Variants in DSE observed in about 807,000 individuals in gnomAD.
DSE encodes dermatan-sulfate epimerase.
In DSE, 36 loss-of-function variants were observed where a neutral mutation model predicts 84.4. The ratio of observed to expected loss-of-function variants is 0.43; its 90% CI spans 0.33 to 0.56. The LOEUF (loss-of-function observed/expected upper bound fraction) is 0.56, where lower values mean the gene tolerates loss of function less well. Ranked by LOEUF, DSE falls within the 20% of genes least tolerant of loss-of-function variation. DSE has a pLI of 0.06. For missense variants in DSE, 862 were observed against 1,169.6 expected, an observed-to-expected ratio of 0.74 and a Z score of 3.84; for synonymous variants, 410 against 430.1, an observed-to-expected ratio of 0.95 and a Z score of 0.58.
At position 116,256,910 on chromosome 6, in the gene DSE, C is replaced by T. The variant is rs549852997; in HGVS notation, c.-575-1536C>T. Among the ~76,000 whole-genome samples, 8 of 152,206 alleles carry T rather than the reference C, an allele frequency of 5.3e-5. No homozygotes were observed. In the East Asian group the frequency reaches 1.5e-3, roughly 29 times the overall value. On this transcript the variant is annotated intron_variant, in intron 1 of 3. Coordinates refer to the DSE transcript ENST00000430252. ...AAACCTTACTAAGCAGAAAAAACTA[C>T]ATCAGTGACTTATGATTCTATGGGA...
rs1784266146 is a variant in DSE, at chr6:116,437,589, G to A, written c.*244G>A. On this transcript the variant is annotated 3_prime_UTR_variant, in exon 6 of 6. Transcript: ENST00000644252. ...TTGGAAGTATTTGGCATTGCTAATT[G>A]AGCAGTCCATATAGTACTACTTTTA... 4.6e-6 allele frequency: 2 copies of A among 437,404 alleles called. No individual in the cohort carries two copies. The highest frequency in any genetic ancestry group is 3.6e-5 in the South Asian group (1 of 27,856). 27.1% of individuals were successfully genotyped at this position (437,404 alleles called of 1,614,324 possible).
At chr6:116,258,590 C>A in exon 2 of DSE, 1 of 1,609,668 alleles carries the variant, frequency 6.2e-7, no homozygotes, top group Non-Finnish European at 8.5e-7. Context: ...TTGATGAGCT[C>A]CTCTGCCAGG....
At chr6:116,334,083 G>A (rs1008627731) in intron 2 of DSE, among the ~76,000 whole-genome samples, 7 of 152,004 alleles carry the variant, frequency 4.6e-5, no homozygotes, top group East Asian at 1.9e-4. Context: ...GAACATTGTC[G>A]TACTAATCTA....
At chr6:116,362,101 A>G (rs1292024069) in intron 2 of DSE, among the ~76,000 whole-genome samples, 1 of 152,238 alleles carries the variant, frequency 6.6e-6, no homozygotes, top group East Asian at 1.9e-4. Context: ...ACTTGTTTAG[A>G]CTATGCATCC....
chr6:116,362,322 C>G (rs1165334663), intron 2 of DSE, among the ~76,000 whole-genome samples: 1 of 152,130 alleles, frequency 6.6e-6, no homozygotes, highest in Non-Finnish European at 1.5e-5. Flanking sequence ...TTAAGTAGAT[C>G]TGGGATTGGT....
chr6:116,397,962 A>G (rs1461633265), intron 1 of DSE, among the ~76,000 whole-genome samples: 3 of 152,210 alleles, frequency 2.0e-5, no homozygotes, highest in East Asian at 1.9e-4. Context: ...TTGATCTGCC[A>G]TATCTGTTAA....
intron 2 of DSE, among the ~76,000 whole-genome samples, chr6:116,265,192 G>C (rs1562190441): frequency 6.6e-6 from 1 of 152,124 alleles, no homozygotes; most frequent in Non-Finnish European, 1.5e-5. Context: ...AGTGGCCCCA[G>C]ATGGTGACTG....
In DSE at chr6:116,279,987, G is replaced by C. The variant is rs1773417437; in HGVS notation, c.-54+21020G>C. 7 of 1,076,668 alleles carry C rather than the reference G, an allele frequency of 6.5e-6. No individual in the cohort carries two copies. The South Asian group carries it at 9.4e-5, about 14-fold the overall frequency. 66.7% of individuals were successfully genotyped at this position (1,076,668 alleles called of 1,614,324 possible). A position where few individuals can be genotyped will look rare whatever the true frequency, so the allele number is the denominator to read the frequency against. ...AGATCTCACGGTATCGCGAGAACTT[G>C]CTGAGCCCGGGATTGGTTCCGCCGC... On this transcript the variant is annotated intron_variant, in intron 2 of 3. Transcript: ENST00000430252.
exon 2 of DSE, chr6:116,258,676 A>G (rs1438221382): frequency 6.2e-7 from 1 of 1,610,268 alleles, no homozygotes; most frequent in African/African-American, 1.3e-5. Context: ...GGCCTGATTC[A>G]CACGGCGAAG....
intron 2 of DSE, among the ~76,000 whole-genome samples, chr6:116,418,233 A>C (rs1369912655): frequency 6.6e-6 from 1 of 152,102 alleles, no homozygotes; most frequent in Non-Finnish European, 1.5e-5. Context: ...CAACAGGGAG[A>C]GGGTCATCTC....
chr6:116,404,082 C>T (rs996734240), intron 2 of DSE, among the ~76,000 whole-genome samples: 2 of 152,180 alleles, frequency 1.3e-5, no homozygotes, highest in Admixed American at 1.3e-4. Context: ...AATGAAATGA[C>T]TGCCTGTCCA....
chr6:116,405,599 G>A (rs1188124005), intron 2 of DSE, among the ~76,000 whole-genome samples: 1 of 152,130 alleles, frequency 6.6e-6, no homozygotes, highest in Non-Finnish European at 1.5e-5. Context: ...CTGCTGCAGA[G>A]ACTTAAAAAT....
chr6:116,320,612 C>T (rs1776246372), intron 2 of DSE, among the ~76,000 whole-genome samples: 2 of 152,046 alleles, frequency 1.3e-5, no homozygotes, highest in South Asian at 4.2e-4. Context: ...TTTATTTTCT[C>T]ACATCTGGAG....
chr6:116,440,871 A>AC lies in DSE; in HGVS notation c.*3530dup, dbSNP rs1243535548. The AC allele has an allele frequency of 6.6e-6, 1 of 152,120 alleles. No individual in the cohort carries two copies. The highest frequency in any genetic ancestry group is 1.5e-5 in the Non-Finnish European group (1 of 68,006). 9.4% of individuals were successfully genotyped at this position (152,120 alleles called of 1,614,324 possible). A position where few individuals can be genotyped will look rare whatever the true frequency, so the allele number is the denominator to read the frequency against. On this transcript the variant is annotated 3_prime_UTR_variant, in exon 6 of 6. Transcript: ENST00000644252. Reference sequence around the variant, plus strand: ...GGGAACTTGAGATGACCTGATTGAGACCCCTAAATCTACAGATGAGGAAAG... The same window carrying AC: ...GGGAACTTGAGATGACCTGATTGAGACCCCCTAAATCTACAGATGAGGAAAG...
chr6:116,360,607 T>C (rs1778834382), intron 2 of DSE, among the ~76,000 whole-genome samples: 1 of 152,222 alleles, frequency 6.6e-6, no homozygotes, highest in African/African-American at 2.4e-5. Context: ...GTAACATTAG[T>C]GTGGATACTT....
intron 2 of DSE, among the ~76,000 whole-genome samples, chr6:116,283,307 G>A (rs991896457): frequency 2.0e-5 from 3 of 152,152 alleles, no homozygotes; most frequent in Admixed American, 6.5e-5. Flanking sequence ...AGTAGCCTAT[G>A]GCTCCTTAAT....
At chr6:116,383,082 AGTT>A (rs1450054713) in intron 1 of DSE, among the ~76,000 whole-genome samples, 3 of 152,122 alleles carry the variant, frequency 2.0e-5, no homozygotes, top group African/African-American at 7.2e-5. Context: ...ACTGGAGACA[AGTT>A]GTTATTGAAA....
Position 116,435,510 on chromosome 6 carries a change from C to T in DSE, c.1119-77C>T, listed in dbSNP as rs1784091099. The T allele has an allele frequency of 4.9e-6, 7 of 1,417,258 alleles. No individual in the cohort carries two copies. In the East Asian group the frequency reaches 1.6e-4, roughly 33 times the overall value. 87.8% of individuals were successfully genotyped at this position (1,417,258 alleles called of 1,614,324 possible). On this transcript the variant is annotated intron_variant, in intron 5 of 5. Transcript: ENST00000644252. The stretch of plus-strand genomic sequence containing the variant: ...TGCTCTGGGTAGCATTTGTGTGTCG[C>T]ATCTTCCACATTACCATGTTATGTG...
Position 116,437,017 on chromosome 6 carries a change from TAGATGA to T in DSE, c.2559_2564del (p.Asp853_Glu854del), listed in dbSNP as rs770501724. ...ATTTTGGCACAGAAAGAACTACCCA[TAGATGA>T]AGATGAAGAAATGAAAGACCTTTTA... On this transcript the variant is annotated inframe_deletion, in exon 6 of 6. Transcript: ENST00000644252. The T allele has an allele frequency of 9.9e-6, 16 of 1,613,882 alleles. No individual in the cohort carries two copies. Among genetic ancestry groups the T allele is most frequent in the East Asian group, 4.5e-5 (2 of 44,898 alleles).
Sources: allele counts gnomAD v4.1 joint callset (sites outside exome capture counted in the v4.1 genomes callset), GRCh38; gene constraint gnomAD v4.1.1; transcripts MANE v1.5; gene names NCBI Gene and HGNC (gene_info 2026-07-23, HGNC 2026-07-21).